Variants in EDIL3 observed in about 807,000 individuals in gnomAD.
EDIL3 encodes EGF like and discoidin domains 3.
Under a neutral mutation model 67.4 loss-of-function variants are expected in EDIL3, and 37 were observed. That is an observed-to-expected ratio of 0.55 (90% CI 0.42 to 0.72). The LOEUF (loss-of-function observed/expected upper bound fraction) is 0.72, where lower values mean the gene tolerates loss of function less well. Among genes scored for constraint, EDIL3 ranks in the 30% least tolerant of loss-of-function variants. The pLI is 0.00. For missense variants in EDIL3, 527 were observed against 586.3 expected (o/e 0.90, Z 1.04); for synonymous variants, 195 against 196.3 (o/e 0.99, Z 0.05).
intron 2 of EDIL3, among the ~76,000 whole-genome samples, chr5:84,242,606 T>C (rs1367868904): frequency 6.6e-6 from 1 of 151,928 alleles, no homozygotes. Context: ...AAGATCAGCC[T>C]GGGCGACATG....
At chr5:84,077,586 GA>G (rs1168519530) in intron 6 of EDIL3, among the ~76,000 whole-genome samples, 1 of 152,100 alleles carries the variant, frequency 6.6e-6, no homozygotes, top group Non-Finnish European at 1.5e-5. Flanking sequence ...CAGATCTCAT[GA>G]AAGTTATCCA....
intron 4 of EDIL3, among the ~76,000 whole-genome samples, chr5:84,177,354 G>A (rs920587533): frequency 6.6e-6 from 1 of 152,180 alleles, no homozygotes; most frequent in African/African-American, 2.4e-5. Context: ...TACATACTAT[G>A]TGATTTCAAT....
At chr5:84,226,198 T>A (rs1187440673) in intron 3 of EDIL3, among the ~76,000 whole-genome samples, 2 of 151,500 alleles carry the variant, frequency 1.3e-5, no homozygotes, top group East Asian at 3.9e-4. Flanking sequence ...TGAAACAAAA[T>A]GGTGAAATAA....
chr5:83,994,801 T>G (rs966960179), intron 9 of EDIL3, among the ~76,000 whole-genome samples: 1 of 152,160 alleles, frequency 6.6e-6, no homozygotes, highest in Non-Finnish European at 1.5e-5. Context: ...CCCATTGGAA[T>G]TGCTTGATCA....
chr5:84,176,225 AT>A (rs1465912888), intron 4 of EDIL3, among the ~76,000 whole-genome samples: 16 of 134,410 alleles, frequency 1.2e-4, no homozygotes, highest in Non-Finnish European at 1.6e-4. Context: ...ATATATATAT[AT>A]AATATATTGT....
intron 1 of EDIL3, among the ~76,000 whole-genome samples, chr5:84,263,329 G>C (rs1027167216): frequency 6.6e-6 from 1 of 152,172 alleles, no homozygotes; most frequent in African/African-American, 2.4e-5. Flanking sequence ...GTACTGTCTT[G>C]CTTTAGAAAA....
intron 1 of EDIL3, among the ~76,000 whole-genome samples, chr5:84,334,172 GA>G (rs1746937123): frequency 6.6e-6 from 1 of 151,384 alleles, no homozygotes; most frequent in Admixed American, 6.6e-5. Flanking sequence ...GTTCAAGCGG[GA>G]GCCTTAGCCT....
chr5:84,287,081 A>G (rs1238104777), intron 1 of EDIL3, among the ~76,000 whole-genome samples: 1 of 152,226 alleles, frequency 6.6e-6, no homozygotes, highest in Admixed American at 6.5e-5. Flanking sequence ...AGACAGCCAC[A>G]TAATGGGAGA....
chr5:84,169,915 T>C (rs1748783785), intron 4 of EDIL3, among the ~76,000 whole-genome samples: 1 of 152,176 alleles, frequency 6.6e-6, no homozygotes. Context: ...CCCAAGAGTG[T>C]AATTGCTGGA....
At chr5:83,963,014 A>C (rs1460231606) in intron 10 of EDIL3, among the ~76,000 whole-genome samples, 191 bp downstream of exon 10, 1 of 151,680 alleles carries the variant, frequency 6.6e-6, no homozygotes, top group African/African-American at 2.4e-5. Flanking sequence ...TTTTTCCTCT[A>C]GGTTGCACCA....
At chr5:84,104,712 G>T (rs538082581) in intron 6 of EDIL3, among the ~76,000 whole-genome samples, 2 of 151,902 alleles carry the variant, frequency 1.3e-5, no homozygotes, top group Non-Finnish European at 2.9e-5. Flanking sequence ...TCTCAGTGTT[G>T]ATCACTGTCC....
At chr5:84,018,166 T>C (rs201851384) in intron 9 of EDIL3, among the ~76,000 whole-genome samples, 3 of 152,186 alleles carry the variant, frequency 2.0e-5, no homozygotes, top group East Asian at 3.8e-4. Flanking sequence ...CTAAAGTACA[T>C]AGTTGATCAA....
At chr5:84,328,316 T>C (rs530878015) in intron 1 of EDIL3, among the ~76,000 whole-genome samples, 5 of 152,172 alleles carry the variant, frequency 3.3e-5, no homozygotes, top group African/African-American at 7.2e-5. Flanking sequence ...ACTTAGGCCA[T>C]GAAGATGTTG....
rs1242962517 is a variant in EDIL3, at chr5:84,132,397, A to T, written c.469+4844T>A. ...ATTATATATAATATATTTTATATAT[A>T]ATATATATTTTAACATATATTATAT... On this transcript the variant is annotated intron_variant, in intron 5 of 10. Coordinates refer to ENST00000296591, the MANE Select transcript of EDIL3 (RefSeq NM_005711.5). 5.8e-5 allele frequency among the ~76,000 whole-genome samples: 5 copies of T among 86,954 alleles called. No homozygotes were observed. In the East Asian group the frequency reaches 1.5e-3, roughly 26 times the overall value. 57.0% of individuals were successfully genotyped at this position (86,954 alleles called of 152,430 possible).
intron 6 of EDIL3, among the ~76,000 whole-genome samples, chr5:84,096,340 A>G (rs968609502): frequency 8.5e-5 from 13 of 152,206 alleles, no homozygotes; most frequent in Non-Finnish European, 1.5e-5. Flanking sequence ...CTGCAAAGCC[A>G]CAGAGGAGAA....
At chr5:83,959,155 T>C (rs1009498194) in intron 10 of EDIL3, among the ~76,000 whole-genome samples, 1 of 149,996 alleles carries the variant, frequency 6.7e-6, no homozygotes, top group African/African-American at 2.4e-5. Context: ...CACATGTATA[T>C]TTATTACATA....
chr5:84,331,987 A>C (rs1746882228), intron 1 of EDIL3, among the ~76,000 whole-genome samples: 1 of 152,152 alleles, frequency 6.6e-6, no homozygotes, highest in Non-Finnish European at 1.5e-5. Flanking sequence ...TAGAAAACAC[A>C]CTGTAAGCTT....
At chr5:84,118,870 G>T (rs1416506728) in intron 5 of EDIL3, among the ~76,000 whole-genome samples, 1 of 152,072 alleles carries the variant, frequency 6.6e-6, no homozygotes, top group Non-Finnish European at 1.5e-5. Flanking sequence ...ATGCCTTGGG[G>T]TACGAGCCAG....
At chr5:84,115,041 T>TA (rs957670627) in intron 5 of EDIL3, among the ~76,000 whole-genome samples, 1 of 152,214 alleles carries the variant, frequency 6.6e-6, no homozygotes, top group African/African-American at 2.4e-5. Context: ...TAAAGTAAAC[T>TA]AAAACAAATC....
Sources: gnomAD v4.1 joint callset for allele counts (sites outside exome capture counted in the v4.1 genomes callset) on GRCh38, gnomAD v4.1.1 for gene constraint, MANE v1.5 for transcripts, NCBI Gene and HGNC (gene_info 2026-07-23, HGNC 2026-07-21) for gene names.